The following TMEM232 variants were observed in gnomAD, a reference collection of about 807,000 sequenced individuals.
TMEM232 encodes the protein transmembrane protein 232.
TMEM232 carries 80 observed loss-of-function variants against 78.8 expected under a neutral mutation model. The ratio of observed to expected loss-of-function variants is 1.01; its 90% CI spans 0.85 to 1.22. The LOEUF is 1.22. Ranked by LOEUF, TMEM232 falls within the 50% of genes most tolerant of loss-of-function variation. TMEM232 has a pLI of 0.00. For missense variants in TMEM232, 881 were observed against 742.2 expected (o/e 1.19, Z -2.17); for synonymous variants, 297 against 254.3 (o/e 1.17, Z -1.60).
At chr5:110,494,903 T>A (rs1465827988) in intron 12 of TMEM232, among the ~76,000 whole-genome samples, 1 of 151,838 alleles carries the variant, frequency 6.6e-6, no homozygotes, top group East Asian at 1.9e-4. Flanking sequence ...CTAGACTAGA[T>A]AATAAGCTAC....
intron 10 of TMEM232, among the ~76,000 whole-genome samples, chr5:110,579,326 T>C (rs1025995695): frequency 6.6e-6 from 1 of 150,576 alleles, no homozygotes. Flanking sequence ...ATAACTAGAA[T>C]TGCCTTACAA....
At position 110,613,604 on chromosome 5, in the gene TMEM232, G is replaced by A. The variant is rs987519647; in HGVS notation, c.902+4825C>T. Among the ~76,000 whole-genome samples the A allele has an allele frequency of 3.3e-5, 5 of 152,162 alleles. No individual in the cohort carries two copies. The South Asian group carries it at 1.0e-3, about 32-fold the overall frequency. ...AGTGTCACAATTTTAAGACTATTTA[G>A]TCCAGCAAATCCTGATGAAGTCTTA... On this transcript the variant is annotated intron_variant, in intron 8 of 13. Transcript: ENST00000455884.
intron 1 of TMEM232, among the ~76,000 whole-genome samples, chr5:110,688,086 T>C (rs1793648900): frequency 1.0e-5 from 1 of 98,622 alleles, no homozygotes; most frequent in Non-Finnish European, 2.1e-5. Flanking sequence ...TTCTCTACTC[T>C]GAGGGGATGT....
At chr5:110,700,774 ATAGATAGATAGG>A (rs1287251985) in intron 1 of TMEM232, among the ~76,000 whole-genome samples, 199 of 124,196 alleles carry the variant, frequency 1.6e-3, no homozygotes, top group South Asian at 3.9e-3. Context: ...AGGTAGGTAG[ATAGATAGATAGG>A]TAGATAGATA....
chr5:110,635,488 G>A (rs541606355), intron 5 of TMEM232, among the ~76,000 whole-genome samples: 8 of 152,016 alleles, frequency 5.3e-5, no homozygotes, highest in South Asian at 2.1e-4. Context: ...AATACAACAC[G>A]ATCAAATTGG....
intron 4 of TMEM232, among the ~76,000 whole-genome samples, chr5:110,389,510 A>G (rs1755106529): frequency 6.6e-6 from 1 of 152,212 alleles, no homozygotes; most frequent in African/African-American, 2.4e-5. Flanking sequence ...AAACAGATTC[A>G]AGACACTTGA....
At chr5:110,442,766 G>A (rs953209485) in intron 12 of TMEM232, among the ~76,000 whole-genome samples, 10 of 152,050 alleles carry the variant, frequency 6.6e-5, no homozygotes, top group African/African-American at 2.4e-4. Context: ...TCATCCTTCT[G>A]GAGAAGGCTT....
At chr5:110,536,561 C>A (rs1561649885) in intron 11 of TMEM232, among the ~76,000 whole-genome samples, 1 of 152,222 alleles carries the variant, frequency 6.6e-6, no homozygotes, top group Non-Finnish European at 1.5e-5. Flanking sequence ...ACATGTGACA[C>A]AATTGGCAGC....
intron 5 of TMEM232, chr5:110,628,904 T>A (rs1012439904): frequency 4.6e-5 from 7 of 152,120 alleles, no homozygotes; most frequent in African/African-American, 1.7e-4. Context: ...GGCAGTGATT[T>A]CCAAATATTT....
At chr5:110,693,421 C>G (rs1258745980) in intron 1 of TMEM232, among the ~76,000 whole-genome samples, 1 of 152,198 alleles carries the variant, frequency 6.6e-6, no homozygotes, top group Non-Finnish European at 1.5e-5. Context: ...AGGAATGCAG[C>G]TCCTCACCAG....
chr5:110,671,226 G>T (rs917692378), intron 1 of TMEM232, among the ~76,000 whole-genome samples: 1 of 152,112 alleles, frequency 6.6e-6, no homozygotes, highest in Non-Finnish European at 1.5e-5. Context: ...TTAGAATGGT[G>T]ATCATTAAAA....
intron 10 of TMEM232, among the ~76,000 whole-genome samples, chr5:110,588,636 G>A (rs902861485): frequency 5.3e-5 from 8 of 152,078 alleles, no homozygotes; most frequent in Non-Finnish European, 1.2e-4. Flanking sequence ...TGCCTCCAGG[G>A]CACAAAATTT....
At chr5:110,723,265 C>T (rs1453640088) in intron 1 of TMEM232, among the ~76,000 whole-genome samples, 3 of 152,086 alleles carry the variant, frequency 2.0e-5, no homozygotes, top group African/African-American at 7.2e-5. Context: ...AATTGAAATT[C>T]CTTTAAGGCA....
chr5:110,524,580 G>C (rs1770283846), intron 12 of TMEM232, among the ~76,000 whole-genome samples: 2 of 152,084 alleles, frequency 1.3e-5, no homozygotes, highest in South Asian at 2.1e-4. Context: ...ATCTATGCTG[G>C]AGAAAGTTCT....
intron 2 of TMEM232, among the ~76,000 whole-genome samples, chr5:110,406,226 T>A (rs1432495338): frequency 6.6e-6 from 1 of 151,204 alleles, no homozygotes; most frequent in African/African-American, 2.4e-5. Context: ...ATTTTTCTTA[T>A]ATAATTCAAC....
chr5:110,667,153 T>C, intron 2 of TMEM232, 75 bp downstream of exon 2: 2 of 1,097,912 alleles, frequency 1.8e-6, no homozygotes, highest in Non-Finnish European at 2.5e-6. Flanking sequence ...TATGGGTGAA[T>C]TTTTTTTTTC....
At chr5:110,462,472 C>T (rs930542360) in intron 12 of TMEM232, among the ~76,000 whole-genome samples, 1 of 152,176 alleles carries the variant, frequency 6.6e-6, no homozygotes, top group Admixed American at 6.5e-5. Context: ...GGCAGAGGAA[C>T]ATGGAAAGAC....
chr5:110,489,900 C>T (rs1034600857), intron 12 of TMEM232, among the ~76,000 whole-genome samples: 13 of 151,674 alleles, frequency 8.6e-5, no homozygotes, highest in African/African-American at 3.1e-4. Flanking sequence ...CCGAGGCGGG[C>T]GGATCACAAG....
intron 2 of TMEM232, among the ~76,000 whole-genome samples, chr5:110,663,751 GTGTGTGTGTGTGTGTGTGTGTGTA>G (rs1790134866): frequency 6.6e-6 from 1 of 151,294 alleles, no homozygotes; most frequent in Admixed American, 6.6e-5. Context: ...GTGTATGTGT[GTGTGTGTGTGTGTGTGTGTGTGTA>G]TATACAATAT....
Sources: allele counts gnomAD v4.1 joint callset (sites outside exome capture counted in the v4.1 genomes callset), GRCh38; gene constraint gnomAD v4.1.1; transcripts MANE v1.5; gene names NCBI Gene and HGNC (gene_info 2026-07-23, HGNC 2026-07-21).